Variants in SNTG1 observed in about 807,000 individuals in gnomAD.
The protein encoded by SNTG1 is gamma-1-syntrophin.
Under a neutral mutation model 74.7 loss-of-function variants are expected in SNTG1, and 39 were observed. The ratio of observed to expected loss-of-function variants is 0.52; its 90% CI spans 0.40 to 0.68. The LOEUF (loss-of-function observed/expected upper bound fraction) is 0.68. Among genes scored for constraint, SNTG1 ranks in the 30% least tolerant of loss-of-function variants. SNTG1 has a pLI of 0.00. For missense variants in SNTG1, 685 were observed against 609.5 expected (o/e 1.12, Z -1.30); for synonymous variants, 254 against 217.1 (o/e 1.17, Z -1.49).
chr8:50,714,886 C>T (rs992379974), intron 17 of SNTG1, among the ~76,000 whole-genome samples: 7 of 151,694 alleles, frequency 4.6e-5, no homozygotes, highest in African/African-American at 1.2e-4. Flanking sequence ...TGTTTTCCCT[C>T]AATGACTCAT....
intron 4 of SNTG1, among the ~76,000 whole-genome samples, chr8:50,417,125 A>G (rs2093024307): frequency 6.6e-6 from 1 of 152,172 alleles, no homozygotes; most frequent in Non-Finnish European, 1.5e-5. Context: ...ATCTTCAAAG[A>G]TATGTATAAC....
At chr8:50,157,885 C>T (rs2082301828) in intron 1 of SNTG1, among the ~76,000 whole-genome samples, 1 of 152,086 alleles carries the variant, frequency 6.6e-6, no homozygotes, top group Non-Finnish European at 1.5e-5. Context: ...TGGAAGTTAA[C>T]TTTTTCAAAA....
rs544918574 is a variant in SNTG1, at chr8:50,507,325, T to A, written c.466+4445T>A. 5.3e-5 allele frequency among the ~76,000 whole-genome samples: 8 copies of A among 152,196 alleles called. No homozygotes were observed. The East Asian group carries it at 1.5e-3, about 29-fold the overall frequency. On this transcript the variant is annotated intron_variant, in intron 9 of 18. Coordinates refer to ENST00000642720, the MANE Select transcript of SNTG1 (RefSeq NM_018967.5). Reference sequence around the variant, plus strand: ...AGTATCTTTGCTTGGTTTCAGTATCTGGGTAATGTTCACTTCAAGCTGGAA... The same window carrying A: ...AGTATCTTTGCTTGGTTTCAGTATCAGGGTAATGTTCACTTCAAGCTGGAA...
intron 2 of SNTG1, among the ~76,000 whole-genome samples, chr8:50,337,824 G>A (rs1318407890): frequency 1.3e-5 from 2 of 152,170 alleles, no homozygotes; most frequent in Non-Finnish European, 1.5e-5. Flanking sequence ...AAATTTATGA[G>A]GATATAACTT....
At chr8:49,991,125 CAA>C (rs553509942) in intron 1 of SNTG1, among the ~76,000 whole-genome samples, 21 of 152,154 alleles carry the variant, frequency 1.4e-4, no homozygotes, top group Middle Eastern at 3.4e-3. Context: ...TTAAAATGGA[CAA>C]AGAGTCTGAA....
At chr8:50,029,271 G>T (rs979353494) in intron 1 of SNTG1, among the ~76,000 whole-genome samples, 1 of 152,064 alleles carries the variant, frequency 6.6e-6, no homozygotes, top group African/African-American at 2.4e-5. Context: ...CATACAATGT[G>T]TAATAATCTC....
chr8:50,162,559 C>CAAAAAAAAAAAAAA (rs34746562), intron 1 of SNTG1, among the ~76,000 whole-genome samples: 2 of 83,926 alleles, frequency 2.4e-5, no homozygotes, highest in Non-Finnish European at 4.7e-5. Flanking sequence ...GACTCTGTCT[C>CAAAAAAAAAAAAAA]AAAAAAAAAA....
intron 2 of SNTG1, among the ~76,000 whole-genome samples, chr8:50,253,743 A>G (rs1597429): frequency 0.56 from 85,732 of 151,808 alleles, 27,910 homozygotes; most frequent in East Asian, 0.83. Context: ...GCTGTAGAAA[A>G]GAATGAAATC....
intron 2 of SNTG1, among the ~76,000 whole-genome samples, chr8:50,312,176 A>G (rs775887069): frequency 9.9e-5 from 15 of 152,162 alleles, no homozygotes; most frequent in Non-Finnish European, 1.9e-4. Flanking sequence ...TAAAAATTTA[A>G]TAGTAAATCC....
chr8:50,670,298 G>A (rs1208065212), intron 15 of SNTG1, among the ~76,000 whole-genome samples: 3 of 151,990 alleles, frequency 2.0e-5, no homozygotes, highest in Non-Finnish European at 4.4e-5. Context: ...AAACCCCATT[G>A]TCTCAGCCCA....
chr8:49,967,614 A>G (rs1474314407), intron 1 of SNTG1, among the ~76,000 whole-genome samples: 1 of 152,142 alleles, frequency 6.6e-6, no homozygotes, highest in Non-Finnish European at 1.5e-5. Context: ...TTCAGTAAAT[A>G]TAATTTTTAG....
At chr8:50,530,069 C>T (rs1271061243) in intron 9 of SNTG1, 108 bp from the exon 10 acceptor site, 2 of 896,526 alleles carry the variant, frequency 2.2e-6, no homozygotes, top group Non-Finnish European at 3.5e-6. Context: ...ATTGTAATAT[C>T]TGATTTACTT....
At position 50,425,289 on chromosome 8, in the gene SNTG1, G is replaced by A. The variant is rs56276724; in HGVS notation, c.163-13254G>A. 9.4e-3 allele frequency among the ~76,000 whole-genome samples: 1,423 copies of A among 152,104 alleles called. 21 individuals are homozygous for A. The highest frequency in any genetic ancestry group is 0.031 in the African/African-American group (1,277 of 41,478). ...GCTGGTCACACAGCAGGAGGTGAGC[G>A]GCAGGTGATCATGCTTTACGGTCTG... On this transcript the variant is annotated intron_variant, in intron 4 of 18. Coordinates refer to ENST00000642720, the MANE Select transcript of SNTG1 (RefSeq NM_018967.5).
chr8:50,192,742 G>A (rs551270262), intron 2 of SNTG1, among the ~76,000 whole-genome samples: 1 of 151,840 alleles, frequency 6.6e-6, no homozygotes, highest in Admixed American at 6.6e-5. Flanking sequence ...TGTCTAGAAG[G>A]GTTTTTCCAA....
At chr8:49,945,800 A>G (rs1038729577) in intron 1 of SNTG1, among the ~76,000 whole-genome samples, 5 of 152,194 alleles carry the variant, frequency 3.3e-5, no homozygotes, top group Non-Finnish European at 5.9e-5. Flanking sequence ...GGCCAATCAC[A>G]TGGCCAAGCA....
chr8:50,298,961 T>A (rs2089517472), intron 2 of SNTG1, among the ~76,000 whole-genome samples: 1 of 152,204 alleles, frequency 6.6e-6, no homozygotes, highest in South Asian at 2.1e-4. Flanking sequence ...TAATTTTTTA[T>A]AAAGTATTGA....
At chr8:50,455,648 C>CT (rs1260218954) in intron 8 of SNTG1, among the ~76,000 whole-genome samples, 2 of 152,070 alleles carry the variant, frequency 1.3e-5, no homozygotes, top group African/African-American at 4.8e-5. Flanking sequence ...GGAACATATT[C>CT]TTTTTTACTT....
At chr8:50,474,524 G>A (rs2093680000) in intron 8 of SNTG1, among the ~76,000 whole-genome samples, 1 of 152,144 alleles carries the variant, frequency 6.6e-6, no homozygotes, top group African/African-American at 2.4e-5. Context: ...AAACCGCAAT[G>A]AGATACCACC....
intron 18 of SNTG1, among the ~76,000 whole-genome samples, chr8:50,792,358 T>C (rs2095693468): frequency 6.6e-6 from 1 of 151,896 alleles, no homozygotes; most frequent in Non-Finnish European, 1.5e-5. Flanking sequence ...ACTTCCAAGT[T>C]TATCTTTAAT....
Sources: gnomAD v4.1 joint callset for allele counts (sites outside exome capture counted in the v4.1 genomes callset) on GRCh38, gnomAD v4.1.1 for gene constraint, MANE v1.5 for transcripts, NCBI Gene and HGNC (gene_info 2026-07-23, HGNC 2026-07-21) for gene names.